Variants in CCDC6 observed in about 807,000 individuals in gnomAD.
CCDC6 encodes the protein coiled-coil domain containing 6.
In CCDC6, 20 loss-of-function variants were observed where a neutral mutation model predicts 56.6. That is an observed-to-expected ratio of 0.35 (90% CI 0.25 to 0.51). The LOEUF (loss-of-function observed/expected upper bound fraction) is 0.51. CCDC6 is among the 20% of genes least tolerant of loss of function. CCDC6 has a pLI of 0.95. For synonymous variants in CCDC6, 241 were observed against 234.4 expected (o/e 1.03, Z -0.26); for missense variants, 367 against 601.1 (o/e 0.61, Z 4.07).
At chr10:59,842,063 G>C (rs1440136983) in intron 2 of CCDC6, among the ~76,000 whole-genome samples, 1 of 151,940 alleles carries the variant, frequency 6.6e-6, no homozygotes, top group African/African-American at 2.4e-5. Context: ...TTATGTTTGA[G>C]ATGGAGTCTC....
chr10:59,798,636 A>C (rs1036366417), intron 7 of CCDC6, among the ~76,000 whole-genome samples: 1 of 152,320 alleles, frequency 6.6e-6, no homozygotes, highest in East Asian at 1.9e-4. Flanking sequence ...TTAAAAAAAC[A>C]TTGGAGAATA....
intron 1 of CCDC6, among the ~76,000 whole-genome samples, chr10:59,869,389 C>CA (rs1167007522): frequency 0.12 from 726 of 6,060 alleles, 254 homozygotes; most frequent in Non-Finnish European, 0.18. Context: ...CTTGCTCAGG[C>CA]AAAAAAAAAA....
intron 1 of CCDC6, among the ~76,000 whole-genome samples, chr10:59,859,719 A>T (rs1263077060): frequency 6.6e-6 from 1 of 152,226 alleles, no homozygotes; most frequent in African/African-American, 2.4e-5. Flanking sequence ...GACTAAGAAG[A>T]CAAGTACAGA....
At chr10:59,883,021 T>G (rs1245900858) in intron 1 of CCDC6, among the ~76,000 whole-genome samples, 2 of 140,256 alleles carry the variant, frequency 1.4e-5, no homozygotes, top group South Asian at 2.2e-4. Flanking sequence ...TTGATCGACT[T>G]TAACTGAAAA....
intron 1 of CCDC6, among the ~76,000 whole-genome samples, chr10:59,873,369 A>G (rs1684902): frequency 0.76 from 115,439 of 151,842 alleles, 44,134 homozygotes; most frequent in East Asian, 0.9. Context: ...AGATGACCAC[A>G]TGACTTCAGA....
intron 1 of CCDC6, among the ~76,000 whole-genome samples, chr10:59,895,133 A>G (rs2071452128): frequency 1.3e-5 from 2 of 152,100 alleles, no homozygotes; most frequent in Admixed American, 1.3e-4. Flanking sequence ...AAGACCCTCT[A>G]TAAAAAATAA....
rs570846161 is a variant in CCDC6 at position 59,905,043 on chromosome 10, C to G, written c.303+1079G>C. Among the ~76,000 whole-genome samples the G allele has an allele frequency of 4.6e-5, 7 of 152,300 alleles. No individual in the cohort carries two copies. The South Asian group carries it at 1.5e-3, about 32-fold the overall frequency. On this transcript the variant is annotated intron_variant, in intron 1 of 8. Coordinates refer to ENST00000263102, the MANE Select transcript of CCDC6 (RefSeq NM_005436.5). ...TGCAGCAGCTATGGCCATTTATCCCCCTTGATTTCTTGACATCATCTTCTC... is the reference window on the plus strand; with the variant it reads ...TGCAGCAGCTATGGCCATTTATCCCGCTTGATTTCTTGACATCATCTTCTC...
chr10:59,882,772 AAC>A (rs1481288587), intron 1 of CCDC6, among the ~76,000 whole-genome samples: 2 of 152,166 alleles, frequency 1.3e-5, no homozygotes, highest in African/African-American at 4.8e-5. Context: ...CATTCTGGGT[AAC>A]ACAGTGAAAC....
chr10:59,850,734 A>C (rs2071031881), intron 2 of CCDC6, among the ~76,000 whole-genome samples: 1 of 152,096 alleles, frequency 6.6e-6, no homozygotes, highest in Non-Finnish European at 1.5e-5. Context: ...ACTGTTTTAG[A>C]TATAAGAATT....
At chr10:59,836,914 T>C (rs909941541) in intron 2 of CCDC6, among the ~76,000 whole-genome samples, 2 of 152,200 alleles carry the variant, frequency 1.3e-5, no homozygotes, top group Non-Finnish European at 2.9e-5. Flanking sequence ...AATGCAACTA[T>C]ATGCTCAACT....
At chr10:59,849,559 A>G (rs1177914339) in intron 2 of CCDC6, among the ~76,000 whole-genome samples, 1 of 152,228 alleles carries the variant, frequency 6.6e-6, no homozygotes, top group African/African-American at 2.4e-5. Context: ...TCCCTTTGAA[A>G]TGCACATAAA....
intron 1 of CCDC6, among the ~76,000 whole-genome samples, chr10:59,871,251 C>T (rs1421181093): frequency 6.6e-6 from 1 of 151,796 alleles, no homozygotes; most frequent in Admixed American, 6.6e-5. Context: ...GTTAACAGTG[C>T]CTCTGGAGTT....
rs191863480 is a variant in CCDC6, at chr10:59,854,976, C to G, written c.304-2274G>C. 7.2e-5 allele frequency among the ~76,000 whole-genome samples: 11 copies of G among 152,334 alleles called. No homozygotes were observed. The East Asian group carries it at 1.9e-3, about 27-fold the overall frequency. On this transcript the variant is annotated intron_variant, in intron 1 of 8. Transcript: ENST00000263102. Reference sequence around the variant, plus strand: ...CCATAAACTCATTTCATTATCAGATCAGACTCAACTTCTTGCACATTAACA... The same window carrying G: ...CCATAAACTCATTTCATTATCAGATGAGACTCAACTTCTTGCACATTAACA...
intron 2 of CCDC6, among the ~76,000 whole-genome samples, chr10:59,837,746 C>CAAAAAAAAAAAAA (rs397940135): frequency 1.2e-4 from 6 of 49,718 alleles, no homozygotes; most frequent in African/African-American, 1.3e-4. Flanking sequence ...GACTCTGTCT[C>CAAAAAAAAAAAAA]AAAAAAAAAA....
rs562942683 is a variant in CCDC6 at position 59,841,671 on chromosome 10, G to T, written c.454-9018C>A. Among the ~76,000 whole-genome samples the T allele has an allele frequency of 2.3e-3, 318 of 141,112 alleles. 2 individuals are homozygous for T. Among genetic ancestry groups the T allele is most frequent in the African/African-American group, 6.9e-3 (276 of 40,260 alleles). The allele number at this position is 141,112 out of a possible 152,430, so 92.6% of individuals were successfully genotyped here. On this transcript the variant is annotated intron_variant, in intron 2 of 8. Transcript: ENST00000263102. ...CAGGCATCCGTGTCTTGTTTTTTTT[G>T]TTTGTTTTTTTTTTTTGAGACGGAG...
chr10:59,804,095 C>T (rs920263661), intron 7 of CCDC6, among the ~76,000 whole-genome samples: 3 of 151,972 alleles, frequency 2.0e-5, no homozygotes, highest in African/African-American at 7.3e-5. Context: ...TGGAAATCTA[C>T]CTAAGGCTTT....
At chr10:59,851,074 C>A (rs1180758439) in intron 2 of CCDC6, among the ~76,000 whole-genome samples, 1 of 126,976 alleles carries the variant, frequency 7.9e-6, no homozygotes, top group African/African-American at 3.0e-5. Context: ...CTGGCGAGGT[C>A]TTGACTGTCC....
At chr10:59,874,903 G>C (rs2071265185) in intron 1 of CCDC6, among the ~76,000 whole-genome samples, 1 of 152,188 alleles carries the variant, frequency 6.6e-6, no homozygotes, top group Admixed American at 6.5e-5. Context: ...TCTGATTTTA[G>C]CCCAGTGAGA....
At chr10:59,858,597 T>C (rs1023527078) in intron 1 of CCDC6, among the ~76,000 whole-genome samples, 1 of 152,206 alleles carries the variant, frequency 6.6e-6, no homozygotes, top group Non-Finnish European at 1.5e-5. Flanking sequence ...TAGTCGTCAC[T>C]GCCCACCCCC....
Sources: gnomAD v4.1 joint callset for allele counts (sites outside exome capture counted in the v4.1 genomes callset) on GRCh38, gnomAD v4.1.1 for gene constraint, MANE v1.5 for transcripts, NCBI Gene and HGNC (gene_info 2026-07-23, HGNC 2026-07-21) for gene names.